Variants in SPATA17 observed in about 807,000 individuals in gnomAD.
The protein encoded by SPATA17 is spermatogenesis-associated protein 17.
A neutral mutation model predicts 62.2 loss-of-function variants in SPATA17; 53 were observed. The ratio of observed to expected loss-of-function variants is 0.85; its 90% confidence interval spans 0.68 to 1.07. SPATA17 has a LOEUF of 1.07. Ranked by LOEUF, SPATA17 falls within the 50% of genes least tolerant of loss-of-function variation. The pLI, the probability that SPATA17 is intolerant of heterozygous loss-of-function variation, is 0.00. For synonymous variants in SPATA17, 146 were observed against 146.8 expected, an observed-to-expected ratio of 0.99 and a Z score of 0.04; for missense variants, 466 against 425.5, an observed-to-expected ratio of 1.10 and a Z score of -0.84.
intron 3 of SPATA17, among the ~76,000 whole-genome samples, chr1:217,665,097 A>C (rs756192293): frequency 6.6e-6 from 1 of 152,206 alleles, no homozygotes; most frequent in Non-Finnish European, 1.5e-5. Flanking sequence ...TTTGCTTATC[A>C]CTTTGACCTG....
At chr1:217,776,862 A>T (rs1673607404) in intron 7 of SPATA17, among the ~76,000 whole-genome samples, 1 of 152,024 alleles carries the variant, frequency 6.6e-6, no homozygotes, top group Non-Finnish European at 1.5e-5. Context: ...ACAACATGGT[A>T]ACTCATTTCC....
chr1:217,842,619 T>G (rs1675435791), intron 9 of SPATA17, among the ~76,000 whole-genome samples: 1 of 152,012 alleles, frequency 6.6e-6, no homozygotes, highest in Non-Finnish European at 1.5e-5. Context: ...CGATAGCATA[T>G]GCAGTGATGT....
intron 5 of SPATA17, among the ~76,000 whole-genome samples, chr1:217,735,046 T>C (rs76413929): frequency 2.0e-3 from 297 of 152,264 alleles, no homozygotes; most frequent in African/African-American, 6.6e-3. Context: ...AATTAAACCA[T>C]CAGGAGTGAT....
chr1:217,823,744 T>C (rs1228768433), intron 9 of SPATA17, among the ~76,000 whole-genome samples: 2 of 152,006 alleles, frequency 1.3e-5, no homozygotes, highest in Non-Finnish European at 2.9e-5. Context: ...TTGCAGTGTA[T>C]CTCTCTCTTT....
At chr1:217,796,522 C>T (rs1406899002) in intron 8 of SPATA17, among the ~76,000 whole-genome samples, 1 of 152,130 alleles carries the variant, frequency 6.6e-6, no homozygotes, top group Admixed American at 6.6e-5. Flanking sequence ...TTGCCACTTG[C>T]ATTCTTTATA....
At chr1:217,800,914 T>C (rs531986526) in intron 8 of SPATA17, among the ~76,000 whole-genome samples, 8 of 152,294 alleles carry the variant, frequency 5.3e-5, no homozygotes, top group Non-Finnish European at 1.2e-4. Context: ...TGAAAGCATA[T>C]CACAATCTTA....
chr1:217,823,843 C>T (rs951916038), intron 9 of SPATA17, among the ~76,000 whole-genome samples: 6 of 151,926 alleles, frequency 3.9e-5, no homozygotes. Context: ...GCTGAATTAA[C>T]CCCTTTATCA....
intron 5 of SPATA17, among the ~76,000 whole-genome samples, chr1:217,707,954 C>A (rs1281545094): frequency 1.1e-4 from 16 of 152,098 alleles, no homozygotes; most frequent in Admixed American, 1.0e-3. Context: ...CTTGAGTGAC[C>A]TTTGTGTAAA....
chr1:217,861,874 G>T (rs1253534594), intron 9 of SPATA17, among the ~76,000 whole-genome samples: 1 of 152,196 alleles, frequency 6.6e-6, no homozygotes, highest in East Asian at 1.9e-4. Flanking sequence ...GCTTGAAAAA[G>T]CATTAATTGT....
At chr1:217,745,540 C>T (rs1197975215) in intron 6 of SPATA17, among the ~76,000 whole-genome samples, 2 of 152,072 alleles carry the variant, frequency 1.3e-5, no homozygotes, top group African/African-American at 4.8e-5. Flanking sequence ...TTAAAACATG[C>T]TACAAGTCAG....
chr1:217,681,212 C>T (rs187982933), intron 4 of SPATA17, among the ~76,000 whole-genome samples: 3 of 149,656 alleles, frequency 2.0e-5, no homozygotes, highest in East Asian at 4.0e-4. Context: ...GGTGACAGAG[C>T]GAGACTCTGT....
intron 9 of SPATA17, among the ~76,000 whole-genome samples, chr1:217,809,651 A>G (rs1317773944): frequency 6.6e-6 from 1 of 152,146 alleles, no homozygotes; most frequent in Non-Finnish European, 1.5e-5. Context: ...CTCACTCACA[A>G]CTACTAGAAT....
At chr1:217,753,559 G>T (rs1043930359) in intron 6 of SPATA17, among the ~76,000 whole-genome samples, 2 of 151,316 alleles carry the variant, frequency 1.3e-5, no homozygotes, top group Non-Finnish European at 2.9e-5. Flanking sequence ...AACTTATTAG[G>T]TATGGGTAGA....
chr1:217,789,042 A>G (rs1673929558), intron 8 of SPATA17, among the ~76,000 whole-genome samples: 1 of 152,136 alleles, frequency 6.6e-6, no homozygotes, highest in Non-Finnish European at 1.5e-5. Flanking sequence ...GATTTAAAAA[A>G]ATGTAACAGT....
chr1:217,656,546 A>ATATGTATG (rs34179742), intron 3 of SPATA17, among the ~76,000 whole-genome samples: 10,062 of 150,556 alleles, frequency 0.067, 447 homozygotes, highest in African/African-American at 0.13. Flanking sequence ...TAGGTCTGAT[A>ATATGTATG]TATGTATGTA....
chr1:217,802,627 C>T (rs1209891050), intron 9 of SPATA17, among the ~76,000 whole-genome samples: 2 of 152,106 alleles, frequency 1.3e-5, no homozygotes, highest in Admixed American at 1.3e-4. Context: ...GGGCACTAAT[C>T]CCAAGGGACC....
At chr1:217,821,222 A>G (rs2175253) in intron 9 of SPATA17, among the ~76,000 whole-genome samples, 44,175 of 151,974 alleles carry the variant, frequency 0.29, 7,694 homozygotes, top group Non-Finnish European at 0.38. Context: ...AAGAGATTAT[A>G]TCCAAACAAT....
At chr1:217,653,563 G>A (rs1389349986) in intron 3 of SPATA17, among the ~76,000 whole-genome samples, 1 of 151,502 alleles carries the variant, frequency 6.6e-6, no homozygotes, top group African/African-American at 2.4e-5. Context: ...ACATCTTCAT[G>A]ATCTTCATAA....
chr1:217,735,828 T>C (rs956693384), intron 5 of SPATA17, among the ~76,000 whole-genome samples: 23 of 152,044 alleles, frequency 1.5e-4, no homozygotes, highest in African/African-American at 4.8e-4. Context: ...AAAAAGAATG[T>C]GACCATCTTA....
Sources: allele counts gnomAD v4.1 joint callset (sites outside exome capture counted in the v4.1 genomes callset), GRCh38; gene constraint gnomAD v4.1.1; transcripts MANE v1.5; gene names NCBI Gene and HGNC (gene_info 2026-07-23, HGNC 2026-07-21).